MYH11: variants seen among roughly 807,000 people sequenced by gnomAD.
MYH11 encodes myosin-11.
Under a neutral mutation model 246.6 loss-of-function variants are expected in MYH11, and 80 were observed. The observed-to-expected ratio is 0.32, with a 90% CI of 0.27 to 0.39. The LOEUF (loss-of-function observed/expected upper bound fraction) is 0.39. Among genes scored for constraint, MYH11 ranks in the 10% least tolerant of loss-of-function variants. The pLI, the probability that MYH11 is intolerant of heterozygous loss-of-function variation, is 1.00. For missense variants in MYH11, 2,158 were observed against 2,546.8 expected (o/e 0.85, Z 3.29); for synonymous variants, 1,071 against 1,015.5 (o/e 1.05, Z -1.04).
At chr16:15,840,338 T>C (rs929125572) in intron 1 of MYH11, among the ~76,000 whole-genome samples, 14 of 152,178 alleles carry the variant, frequency 9.2e-5, no homozygotes, top group Non-Finnish European at 1.0e-4. Context: ...TGTCATTATA[T>C]AGGAAGTAGC....
intron 13 of MYH11, 69 bp from the exon 14 acceptor site, chr16:15,756,583 C>G: frequency 1.3e-6 from 2 of 1,509,558 alleles, no homozygotes; most frequent in Non-Finnish European, 1.8e-6. Flanking sequence ...AAGAGCTGGC[C>G]AACTATACAC....
intron 25 of MYH11, 87 bp from the exon 26 acceptor site, chr16:15,735,665 A>G (rs2041097397): frequency 7.6e-7 from 1 of 1,316,736 alleles, no homozygotes. Context: ...CTGGGACCAG[A>G]CAGTTATGTT....
intron 19 of MYH11, among the ~76,000 whole-genome samples, chr16:15,746,760 G>A (rs893168911): frequency 1.3e-5 from 2 of 152,064 alleles, no homozygotes; most frequent in African/African-American, 2.4e-5. Context: ...TCTAGACACC[G>A]TCAAGTCCTC....
chr16:15,707,641 T>G (rs927401481), intron 40 of MYH11, among the ~76,000 whole-genome samples: 1 of 152,156 alleles, frequency 6.6e-6, no homozygotes, highest in Non-Finnish European at 1.5e-5. Flanking sequence ...AAATGAGGGT[T>G]GGTTTGGCCT....
chr16:15,849,401 G>C (rs1475692629), intron 1 of MYH11, among the ~76,000 whole-genome samples: 6 of 152,188 alleles, frequency 3.9e-5, no homozygotes. Context: ...ACACATCTGA[G>C]TGTGTCAGCC....
At chr16:15,711,839 C>T (rs898976382) in intron 40 of MYH11, among the ~76,000 whole-genome samples, 7 of 152,094 alleles carry the variant, frequency 4.6e-5, no homozygotes, top group Non-Finnish European at 8.8e-5. Flanking sequence ...ATTACAGGCA[C>T]GCCCCACCAT....
intron 9 of MYH11, among the ~76,000 whole-genome samples, chr16:15,765,639 G>A (rs1020351781): frequency 2.6e-5 from 4 of 151,936 alleles, no homozygotes; most frequent in Non-Finnish European, 5.9e-5. Flanking sequence ...GGCCAAACCA[G>A]ACATTACAAG....
At chr16:15,752,653 C>T (rs1033169360) in intron 15 of MYH11, among the ~76,000 whole-genome samples, 14 of 152,082 alleles carry the variant, frequency 9.2e-5, no homozygotes, top group African/African-American at 2.9e-4. Context: ...CTGAGGTGGG[C>T]GGATCACCTG....
At chr16:15,821,904 G>A (rs1029895926) in intron 3 of MYH11, among the ~76,000 whole-genome samples, 1 of 111,124 alleles carries the variant, frequency 9.0e-6, no homozygotes, top group Non-Finnish European at 2.0e-5. Flanking sequence ...CGGCCTGGGC[G>A]ACAGAGCGAG....
rs1372132646 is a variant in MYH11 at position 15,717,160 on chromosome 16, C to T, written c.5484G>A (p.Glu1828=). Residue 1828 remains glutamate (E), a synonymous_variant, in exon 38 of 41, where the codon GAG becomes GAA. Transcript: ENST00000300036. ...ALEAKIAQLE[E]QVEQEAREKQ... ...CATACCTGGCCTCCTGCTCGACCTG[C>T]TCCTCCAGCTGTGCAATCTTGGCCT... The T allele has an allele frequency of 4.3e-6, 7 of 1,614,084 alleles. No homozygotes were observed. In the East Asian group the frequency reaches 1.6e-4, roughly 36 times the overall value.
At chr16:15,719,835 T>C (rs967321166) in intron 34 of MYH11, 122 bp from the exon 35 acceptor site, 1 of 1,403,054 alleles carries the variant, frequency 7.1e-7, no homozygotes, top group South Asian at 1.2e-5. Context: ...GAAGTTCCCA[T>C]TGCACGAGCA....
chr16:15,725,687 T>C, intron 28 of MYH11: 1 of 398,950 alleles, frequency 2.5e-6, no homozygotes, highest in Non-Finnish European at 4.4e-6. Flanking sequence ...ACATCTCACT[T>C]AATTCTTCCC....
At chr16:15,724,048 A>C in intron 31 of MYH11, 113 bp downstream of exon 31, 1 of 1,561,836 alleles carries the variant, frequency 6.4e-7, no homozygotes, top group East Asian at 2.3e-5. Flanking sequence ...ATGGCTCCCC[A>C]CAGAGTGGAG....
intron 4 of MYH11, among the ~76,000 whole-genome samples, chr16:15,793,945 C>CTTTTTT (rs61625627): frequency 1.4e-4 from 10 of 70,182 alleles, no homozygotes; most frequent in Non-Finnish European, 2.1e-4. Flanking sequence ...CTTTTCTTTT[C>CTTTTTT]TTTTTTTTTT....
intron 6 of MYH11, among the ~76,000 whole-genome samples, chr16:15,781,338 G>T (rs2042348564): frequency 6.6e-6 from 1 of 152,178 alleles, no homozygotes; most frequent in Non-Finnish European, 1.5e-5. Flanking sequence ...TTTCGGGCGA[G>T]GAAAGGAGAC....
rs913139585 is a variant in MYH11 at position 15,717,474 on chromosome 16, T to C, written c.5296-126A>G. The C allele has an allele frequency of 2.3e-5, 21 of 931,240 alleles. 1 individual carries two copies. In the South Asian group the frequency reaches 2.8e-4, roughly 13 times the overall value. The allele number at this position is 931,240 out of a possible 1,614,324, so 57.7% of individuals were successfully genotyped here. Reference sequence around the variant, plus strand: ...CCTTGATCCCGGGCACCCTGTCCTCTCCTTCATCCTGTAAAACTCCACTCA... The same window carrying C: ...CCTTGATCCCGGGCACCCTGTCCTCCCCTTCATCCTGTAAAACTCCACTCA... On this transcript the variant is annotated intron_variant, in intron 37 of 40. Transcript: ENST00000300036.
At chr16:15,831,592 G>A (rs2043741480) in intron 2 of MYH11, among the ~76,000 whole-genome samples, 1 of 151,792 alleles carries the variant, frequency 6.6e-6, no homozygotes, top group Non-Finnish European at 1.5e-5. Context: ...TGAGGTCTTT[G>A]CATAGATTAT....
At chr16:15,735,339 G>A in intron 26 of MYH11, 27 bp downstream of exon 26, 1 of 1,611,820 alleles carries the variant, frequency 6.2e-7, no homozygotes, top group Non-Finnish European at 8.5e-7. Flanking sequence ...TGGGATAGCA[G>A]GATGGTGGGA....
intron 4 of MYH11, among the ~76,000 whole-genome samples, chr16:15,788,397 G>A (rs993991498): frequency 1.6e-4 from 24 of 151,552 alleles, no homozygotes; most frequent in African/African-American, 5.8e-4. Flanking sequence ...GTCAGCCCAA[G>A]GTTCTCTGTG....
Sources: allele counts gnomAD v4.1 joint callset (sites outside exome capture counted in the v4.1 genomes callset), GRCh38; gene constraint gnomAD v4.1.1; transcripts MANE v1.5; gene names NCBI Gene and HGNC (gene_info 2026-07-23, HGNC 2026-07-21).